PRDM16: variants seen among roughly 807,000 people sequenced by gnomAD.
PRDM16 encodes histone-lysine N-methyltransferase PRDM16.
In PRDM16, 23 loss-of-function variants were observed where a neutral mutation model predicts 110.6. The observed-to-expected ratio is 0.21, with a 90% CI of 0.15 to 0.29. The LOEUF is 0.29. PRDM16 is among the 10% of genes least tolerant of loss of function. The pLI is 1.00. For missense variants in PRDM16, 1,615 were observed against 1,794.3 expected (o/e 0.90, Z 1.81); for synonymous variants, 799 against 781.8 (o/e 1.02, Z -0.37).
intron 2 of PRDM16, among the ~76,000 whole-genome samples, chr1:3,231,349 C>T (rs1639404728): frequency 1.0e-5 from 1 of 95,928 alleles, no homozygotes; most frequent in Admixed American, 9.8e-5. Context: ...AGTGATGGGC[C>T]AGGCAGCGTT....
chr1:3,234,554 A>C (rs937768116), intron 2 of PRDM16, among the ~76,000 whole-genome samples: 3 of 152,092 alleles, frequency 2.0e-5, no homozygotes, highest in Admixed American at 1.3e-4. Flanking sequence ...CAGGGTGGCC[A>C]GGGCAGCTTC....
chr1:3,386,024 G>A (rs143940919), intron 4 of PRDM16, among the ~76,000 whole-genome samples: 80 of 152,318 alleles, frequency 5.3e-4, no homozygotes, highest in African/African-American at 1.8e-3. Context: ...AGAGCTGGTC[G>A]CTGCTTCATG....
intron 5 of PRDM16, among the ~76,000 whole-genome samples, chr1:3,401,477 A>G (rs1004566948): frequency 1.3e-5 from 2 of 152,192 alleles, no homozygotes; most frequent in Non-Finnish European, 2.9e-5. Flanking sequence ...CACAAATTGC[A>G]TGCATACACA....
chr1:3,314,914 A>G (rs1641563773), intron 3 of PRDM16, among the ~76,000 whole-genome samples: 1 of 152,130 alleles, frequency 6.6e-6, no homozygotes, highest in South Asian at 2.1e-4. Context: ...TTCATAGCCC[A>G]TTTATGATAA....
chr1:3,091,919 C>T (rs1883138), intron 1 of PRDM16, among the ~76,000 whole-genome samples: 1 of 152,210 alleles, frequency 6.6e-6, no homozygotes, highest in Non-Finnish European at 1.5e-5. Flanking sequence ...CGAGAGAATT[C>T]ACATCGCAGA....
chr1:3,091,470 G>C (rs185414910), intron 1 of PRDM16, among the ~76,000 whole-genome samples: 2 of 152,212 alleles, frequency 1.3e-5, no homozygotes, highest in African/African-American at 4.8e-5. Context: ...GGGGGAGTTC[G>C]TGAGAAGGGC....
In PRDM16 at chr1:3,171,007, C is replaced by G. The variant is rs114514636; in HGVS notation, c.38-15118C>G. Among the ~76,000 whole-genome samples the G allele has an allele frequency of 3.5e-3, 539 of 152,362 alleles. 5 individuals are homozygous for G. Among genetic ancestry groups the G allele is most frequent in the African/African-American group, 0.012 (508 of 41,594 alleles). On this transcript the variant is annotated intron_variant, in intron 1 of 16. Coordinates refer to ENST00000270722, the MANE Select transcript of PRDM16 (RefSeq NM_022114.4). ...TGGCTAGAGAGCCCACACAGCCTCG[C>G]TGCAGTCCCTAAGGGAAGGCTGGGA...
intron 1 of PRDM16, among the ~76,000 whole-genome samples, chr1:3,121,364 T>C (rs1233270931): frequency 6.6e-6 from 1 of 152,244 alleles, no homozygotes; most frequent in Non-Finnish European, 1.5e-5. Flanking sequence ...TAAAAACAGC[T>C]TTTATTTTAA....
At chr1:3,248,569 G>A (rs1006915603) in intron 3 of PRDM16, among the ~76,000 whole-genome samples, 1 of 152,230 alleles carries the variant, frequency 6.6e-6, no homozygotes, top group African/African-American at 2.4e-5. Context: ...GCGAGGGGCG[G>A]GAGTGCAGAG....
intron 1 of PRDM16, among the ~76,000 whole-genome samples, chr1:3,178,949 CA>C (rs1216681786): frequency 1.3e-5 from 2 of 152,322 alleles, no homozygotes; most frequent in African/African-American, 4.8e-5. Flanking sequence ...CTTCCGGTCC[CA>C]CCTCGCTCCA....
intron 3 of PRDM16, among the ~76,000 whole-genome samples, chr1:3,286,527 G>A (rs919340648): frequency 1.7e-4 from 26 of 152,110 alleles, no homozygotes; most frequent in Middle Eastern, 3.4e-3. Context: ...GGACCCAACC[G>A]AGCCTGCAGC....
intron 1 of PRDM16, among the ~76,000 whole-genome samples, chr1:3,150,470 A>C (rs1488019917): frequency 6.6e-6 from 1 of 152,080 alleles, no homozygotes; most frequent in Non-Finnish European, 1.5e-5. Flanking sequence ...AGGTGGGAGA[A>C]TCACTCGAAC....
chr1:3,300,671 A>G (rs1017107598), intron 3 of PRDM16, among the ~76,000 whole-genome samples: 4 of 152,186 alleles, frequency 2.6e-5, no homozygotes, highest in African/African-American at 4.8e-5. Context: ...TGACTCTACC[A>G]AGATCCACGC....
chr1:3,166,336 G>A (rs1017366078), intron 1 of PRDM16, among the ~76,000 whole-genome samples: 2 of 152,252 alleles, frequency 1.3e-5, no homozygotes, highest in Non-Finnish European at 2.9e-5. Flanking sequence ...TCCCTGCCAG[G>A]TGCCACAGGC....
intron 3 of PRDM16, among the ~76,000 whole-genome samples, chr1:3,351,785 T>C (rs1642499544): frequency 7.4e-6 from 1 of 135,190 alleles, no homozygotes; most frequent in Admixed American, 7.4e-5. Flanking sequence ...CCCTCTCTCT[T>C]GCTCTCTCTC....
At chr1:3,186,733 GT>G (rs1415425421) in intron 2 of PRDM16, 4 of 448,582 alleles carry the variant, frequency 8.9e-6, no homozygotes, top group Non-Finnish European at 7.8e-6. Context: ...ATGAGCTCAT[GT>G]CTTAAAACAT....
At chr1:3,162,502 C>G (rs1393896934) in intron 1 of PRDM16, among the ~76,000 whole-genome samples, 1 of 152,246 alleles carries the variant, frequency 6.6e-6, no homozygotes, top group Non-Finnish European at 1.5e-5. Flanking sequence ...TGCCCCTTCC[C>G]CCCGGCTGAG....
chr1:3,301,120 C>G (rs1038763636), intron 3 of PRDM16, among the ~76,000 whole-genome samples: 1 of 151,996 alleles, frequency 6.6e-6, no homozygotes, highest in Non-Finnish European at 1.5e-5. Context: ...TGCTTGAGTC[C>G]AGGAGTTTGA....
intron 1 of PRDM16, among the ~76,000 whole-genome samples, chr1:3,130,243 TC>T (rs1162996030): frequency 6.6e-6 from 1 of 152,126 alleles, no homozygotes; most frequent in Non-Finnish European, 1.5e-5. Flanking sequence ...CCAGAGGGGT[TC>T]CTAGGACCCC....
Sources: gnomAD v4.1 joint callset for allele counts (sites outside exome capture counted in the v4.1 genomes callset) on GRCh38, gnomAD v4.1.1 for gene constraint, MANE v1.5 for transcripts, NCBI Gene and HGNC (gene_info 2026-07-23, HGNC 2026-07-21) for gene names.